NALCN: variants seen among roughly 807,000 people sequenced by gnomAD.
NALCN encodes the protein sodium leak channel NALCN.
A neutral mutation model predicts 225.3 loss-of-function variants in NALCN; 111 were observed. The observed-to-expected ratio is 0.49, with a 90% CI of 0.42 to 0.58. The LOEUF is 0.58. Among genes scored for constraint, NALCN ranks in the 20% least tolerant of loss-of-function variants. The pLI, the probability that NALCN is intolerant of heterozygous loss-of-function variation, is 0.00. For missense variants in NALCN, 1,378 were observed against 2,202.4 expected, an observed-to-expected ratio of 0.63 and a Z score of 7.49; for synonymous variants, 764 against 769.0, an observed-to-expected ratio of 0.99 and a Z score of 0.11.
chr13:101,398,787 C>T (rs1325176459), intron 2 of NALCN, among the ~76,000 whole-genome samples: 1 of 152,050 alleles, frequency 6.6e-6, no homozygotes, highest in African/African-American at 2.4e-5. Flanking sequence ...ACAGGGTGCA[C>T]AGCGTGGGGA....
At chr13:101,294,960 G>A (rs971278843) in intron 7 of NALCN, among the ~76,000 whole-genome samples, 52 of 151,992 alleles carry the variant, frequency 3.4e-4, no homozygotes, top group African/African-American at 1.2e-3. Context: ...CTAGACAACC[G>A]GTTACAACAC....
intron 13 of NALCN, among the ~76,000 whole-genome samples, chr13:101,210,443 G>A (rs984441831): frequency 1.4e-4 from 21 of 152,062 alleles, no homozygotes; most frequent in African/African-American, 3.6e-4. Context: ...GTTTAGTTCC[G>A]TATATGTAAT....
chr13:101,366,029 A>T (rs575204117), intron 6 of NALCN, among the ~76,000 whole-genome samples: 1 of 152,186 alleles, frequency 6.6e-6, no homozygotes, highest in South Asian at 2.1e-4. Context: ...CATCTTTTCT[A>T]TTTAACCTGC....
chr13:101,225,097 C>T (rs1566454744), intron 13 of NALCN, among the ~76,000 whole-genome samples: 1 of 152,138 alleles, frequency 6.6e-6, no homozygotes, highest in South Asian at 2.1e-4. Context: ...GTGCAACATC[C>T]GATTGCATTA....
chr13:101,070,725 A>G (rs1355659916), intron 37 of NALCN, among the ~76,000 whole-genome samples: 2 of 152,194 alleles, frequency 1.3e-5, no homozygotes, highest in Non-Finnish European at 2.9e-5. Context: ...GCAAACAGCT[A>G]TTCTGTCATC....
intron 7 of NALCN, among the ~76,000 whole-genome samples, chr13:101,336,278 G>T (rs2045376572): frequency 6.6e-6 from 1 of 152,142 alleles, no homozygotes; most frequent in Non-Finnish European, 1.5e-5. Flanking sequence ...CACACAGGGA[G>T]CTGAGTCCAT....
rs556507340 is a variant in NALCN at position 101,187,459 on chromosome 13, G to T, written c.1764+4458C>A. Among the ~76,000 whole-genome samples, 134 of 152,180 alleles carry T rather than the reference G, an allele frequency of 8.8e-4. No individual in the cohort carries two copies. In the Middle Eastern group the frequency reaches 0.01, roughly 12 times the overall value. ...TGTCAAAAGACATCACAGACAAACT[G>T]GAAGACAAAATACTGCCTAAGAGAG... is the stretch of plus-strand genomic sequence containing the variant. On this transcript the variant is annotated intron_variant, in intron 14 of 43. Coordinates refer to ENST00000251127, the MANE Select transcript of NALCN (RefSeq NM_052867.4).
intron 13 of NALCN, among the ~76,000 whole-genome samples, chr13:101,207,722 A>G (rs1053207752): frequency 2.0e-5 from 3 of 151,356 alleles, no homozygotes; most frequent in African/African-American, 4.9e-5. Context: ...AGCGCTCTGT[A>G]AAATGGACCA....
chr13:101,106,633 C>T (rs2035120749), intron 22 of NALCN, among the ~76,000 whole-genome samples: 1 of 152,056 alleles, frequency 6.6e-6, no homozygotes, highest in Non-Finnish European at 1.5e-5. Context: ...GGGGCGGTTC[C>T]CCCATACTGT....
chr13:101,306,865 C>G (rs1300037382), intron 7 of NALCN, among the ~76,000 whole-genome samples: 1 of 152,148 alleles, frequency 6.6e-6, no homozygotes, highest in Non-Finnish European at 1.5e-5. Context: ...ATCAGGCTTT[C>G]TTTGTGTGGA....
intron 37 of NALCN, among the ~76,000 whole-genome samples, chr13:101,070,312 C>T (rs1415153572): frequency 1.3e-5 from 2 of 152,060 alleles, no homozygotes; most frequent in Non-Finnish European, 1.5e-5. Flanking sequence ...GTGATCCACC[C>T]GCCTTGACCT....
At chr13:101,195,923 T>C (rs1233959557) in intron 13 of NALCN, among the ~76,000 whole-genome samples, 2 of 152,212 alleles carry the variant, frequency 1.3e-5, no homozygotes, top group African/African-American at 4.8e-5. Flanking sequence ...TATTTACATT[T>C]TGTTTTTCTA....
intron 42 of NALCN, chr13:101,058,323 G>A (rs2031516486): frequency 2.9e-6 from 1 of 342,910 alleles, no homozygotes; most frequent in Admixed American, 4.4e-5. Context: ...CTCCATGCCT[G>A]AGAATGTCAT....
rs1302695263 is a variant in NALCN, at chr13:101,078,003, A to G, written c.3886-2062T>C. Among the ~76,000 whole-genome samples, 3 of 152,354 alleles carry G rather than the reference A, an allele frequency of 2.0e-5. No individual in the cohort carries two copies. In the East Asian group the frequency reaches 5.8e-4, roughly 29 times the overall value. ...AGGTGCCAATATACAGCTCAGGCTGATGCTTCAAAGAGTGCAAGCCCCACG... is the reference window on the plus strand; with the variant it reads ...AGGTGCCAATATACAGCTCAGGCTGGTGCTTCAAAGAGTGCAAGCCCCACG... On this transcript the variant is annotated intron_variant, in intron 34 of 43. Transcript: ENST00000251127.
At chr13:101,136,071 A>G (rs936441518) in intron 17 of NALCN, among the ~76,000 whole-genome samples, 4 of 152,240 alleles carry the variant, frequency 2.6e-5, no homozygotes, top group African/African-American at 9.6e-5. Flanking sequence ...CTGCAAAAAT[A>G]ATCATTGAGA....
At chr13:101,080,789 A>T (rs925517705) in intron 34 of NALCN, among the ~76,000 whole-genome samples, 3 of 149,418 alleles carry the variant, frequency 2.0e-5, no homozygotes, top group Non-Finnish European at 4.4e-5. Flanking sequence ...AATTATTAAC[A>T]ATTTAATAGT....
intron 17 of NALCN, among the ~76,000 whole-genome samples, chr13:101,132,730 T>G (rs1022836729): frequency 2.6e-5 from 4 of 152,142 alleles, no homozygotes; most frequent in African/African-American, 9.7e-5. Context: ...ATCATGCAGC[T>G]TCAGTGTTCA....
chr13:101,366,901 T>C (rs995303134), intron 6 of NALCN, among the ~76,000 whole-genome samples: 1 of 145,524 alleles, frequency 6.9e-6, no homozygotes, highest in Non-Finnish European at 1.5e-5. Context: ...CTTTGTACCC[T>C]TTGATCAGCA....
chr13:101,346,807 G>A (rs1174304626), intron 6 of NALCN, among the ~76,000 whole-genome samples: 1 of 152,082 alleles, frequency 6.6e-6, no homozygotes, highest in African/African-American at 2.4e-5. Flanking sequence ...GCTGCTATCT[G>A]AGGTATCCCA....
Sources: allele counts gnomAD v4.1 joint callset (sites outside exome capture counted in the v4.1 genomes callset), GRCh38; gene constraint gnomAD v4.1.1; transcripts MANE v1.5; gene names NCBI Gene and HGNC (gene_info 2026-07-23, HGNC 2026-07-21).